The following RAB23 variants were observed in gnomAD, a reference collection of about 807,000 sequenced individuals.
RAB23 encodes RAB23, member RAS oncogene family, also known as ras-related protein Rab-23.
A neutral mutation model predicts 30.0 loss-of-function variants in RAB23; 15 were observed. The ratio of observed to expected loss-of-function variants is 0.50; its 90% CI spans 0.33 to 0.77. The LOEUF (loss-of-function observed/expected upper bound fraction) is 0.77. RAB23 is among the 30% of genes least tolerant of loss of function. The probability of loss-of-function intolerance (pLI) is 0.02; values close to 1 mark genes in which losing one functional copy is unlikely to be tolerated. For synonymous variants in RAB23, 93 were observed against 94.0 expected (o/e 0.99, Z 0.06); for missense variants, 243 against 275.4 (o/e 0.88, Z 0.83).
At chr6:57,218,833 G>A (rs1224315961) in intron 1 of RAB23, among the ~76,000 whole-genome samples, 1 of 148,880 alleles carries the variant, frequency 6.7e-6, no homozygotes, top group Non-Finnish European at 1.5e-5. Context: ...CAGCCTGGGT[G>A]ACAGAGTGAG....
intron 4 of RAB23, 115 bp from the exon 5 acceptor site, chr6:57,194,967 T>C: frequency 1.3e-6 from 1 of 748,258 alleles, no homozygotes; most frequent in Non-Finnish European, 2.3e-6. Context: ...GGAGGGAAGG[T>C]GGATCAGATC....
intron 1 of RAB23, among the ~76,000 whole-genome samples, chr6:57,211,496 A>G (rs1765651569): frequency 6.6e-6 from 1 of 152,082 alleles, no homozygotes; most frequent in South Asian, 2.1e-4. Context: ...AAAATTGTAA[A>G]TCCTCCATAG....
At chr6:57,216,514 C>T (rs146939453) in intron 1 of RAB23, among the ~76,000 whole-genome samples, 112 of 152,296 alleles carry the variant, frequency 7.4e-4, no homozygotes, top group Middle Eastern at 3.4e-3. Flanking sequence ...ATCAACATGT[C>T]ACAGGGCAAA....
chr6:57,199,055 A>G (rs752943910), intron 3 of RAB23, among the ~76,000 whole-genome samples: 2 of 152,254 alleles, frequency 1.3e-5, no homozygotes, highest in Non-Finnish European at 2.9e-5. Context: ...GAAGATGTTT[A>G]CATAATCAGG....
chr6:57,217,423 C>T (rs1234627839), intron 1 of RAB23, among the ~76,000 whole-genome samples: 1 of 152,086 alleles, frequency 6.6e-6, no homozygotes, highest in East Asian at 1.9e-4. Flanking sequence ...ACAATCCTGC[C>T]TCAGCCTCCC....
intron 1 of RAB23, among the ~76,000 whole-genome samples, chr6:57,213,319 C>G (rs1765721013): frequency 6.6e-6 from 1 of 152,058 alleles, no homozygotes; most frequent in African/African-American, 2.4e-5. Context: ...GTTGGGGACC[C>G]CTGGTCTAGG....
At chr6:57,217,112 A>C (rs2128007673) in intron 1 of RAB23, among the ~76,000 whole-genome samples, 1 of 152,212 alleles carries the variant, frequency 6.6e-6, no homozygotes, top group Non-Finnish European at 1.5e-5. Context: ...TCAAACTAGA[A>C]ATCAATAACA....
intron 1 of RAB23, among the ~76,000 whole-genome samples, chr6:57,219,146 G>T (rs1433257649): frequency 8.5e-5 from 13 of 152,090 alleles, no homozygotes; most frequent in Admixed American, 8.5e-4. Flanking sequence ...AAAGTCAGAG[G>T]ACATATGTAC....
chr6:57,188,372 TA>T lies in RAB23; in HGVS notation c.*2088del, dbSNP rs1466057819. 3 of 152,120 alleles carry T rather than the reference TA, an allele frequency of 2.0e-5. No individual in the cohort carries two copies. Among genetic ancestry groups the T allele is most frequent in the Non-Finnish European group, 4.4e-5 (3 of 67,976 alleles). 9.4% of individuals were successfully genotyped at this position (152,120 alleles called of 1,614,324 possible). Reference sequence around the variant, plus strand: ...TCTTCAGTTCTTATTTAAAAAAAGATAAAACTAGGTACATAAAATTATATTA... The same window carrying T: ...TCTTCAGTTCTTATTTAAAAAAAGATAAACTAGGTACATAAAATTATATTA... On this transcript the variant is annotated 3_prime_UTR_variant, in exon 7 of 7. Transcript: ENST00000468148.
chr6:57,219,670 C>T (rs1444657294), intron 1 of RAB23, among the ~76,000 whole-genome samples: 2 of 152,150 alleles, frequency 1.3e-5, no homozygotes, highest in African/African-American at 2.4e-5. Context: ...CAAATAAAGA[C>T]AATTGATTTT....
chr6:57,196,706 T>G, intron 3 of RAB23, 100 bp from the exon 4 acceptor site: 1 of 1,472,710 alleles, frequency 6.8e-7, no homozygotes, highest in Non-Finnish European at 9.2e-7. Flanking sequence ...GGGGCAACTT[T>G]TATCCATTCA....
intron 2 of RAB23, 117 bp downstream of exon 2, chr6:57,210,109 C>T: frequency 9.4e-7 from 1 of 1,058,934 alleles, no homozygotes; most frequent in Non-Finnish European, 1.4e-6. Context: ...GTCGCATGAG[C>T]ATTGCCACTA....
At chr6:57,196,891 C>T (rs1765043904) in intron 3 of RAB23, among the ~76,000 whole-genome samples, 1 of 152,100 alleles carries the variant, frequency 6.6e-6, no homozygotes, top group South Asian at 2.1e-4. Context: ...ATGTGTTCAA[C>T]TGTCAAAGTA....
At chr6:57,196,699 G>T in intron 3 of RAB23, 93 bp from the exon 4 acceptor site, 1 of 1,504,574 alleles carries the variant, frequency 6.6e-7, no homozygotes, top group Non-Finnish European at 9.0e-7. Flanking sequence ...AAGAATGGGG[G>T]CAACTTTTAT....
At chr6:57,210,175 G>C (rs762102186) in intron 2 of RAB23, 51 bp downstream of exon 2, 98 of 1,571,934 alleles carry the variant, frequency 6.2e-5, no homozygotes, top group Non-Finnish European at 8.0e-5. Flanking sequence ...AATGAGTCTT[G>C]GATATAGTTC....
chr6:57,221,185 T>C (rs577033959), intron 1 of RAB23: 1 of 152,334 alleles, frequency 6.6e-6, no homozygotes, highest in African/African-American at 2.4e-5. Context: ...GTTATATTTG[T>C]AAAAATACTG....
chr6:57,191,782 C>T (rs1169162025), intron 6 of RAB23, among the ~76,000 whole-genome samples: 1 of 152,122 alleles, frequency 6.6e-6, no homozygotes, highest in African/African-American at 2.4e-5. Context: ...ACTAACTTCA[C>T]ATCATATCAC....
At chr6:57,190,821 C>T (rs574832739) in intron 6 of RAB23, among the ~76,000 whole-genome samples, 1 of 152,274 alleles carries the variant, frequency 6.6e-6, no homozygotes, top group Non-Finnish European at 1.5e-5. Flanking sequence ...CCGTCCATCT[C>T]CATAACTCTT....
intron 3 of RAB23, among the ~76,000 whole-genome samples, chr6:57,200,191 A>ATT (rs750447866): frequency 5.7e-4 from 81 of 143,128 alleles, no homozygotes; most frequent in Middle Eastern, 3.6e-3. Context: ...CACTTCAAGA[A>ATT]TTTTTTTTTT....
Sources: gnomAD v4.1 joint callset for allele counts (sites outside exome capture counted in the v4.1 genomes callset) on GRCh38, gnomAD v4.1.1 for gene constraint, MANE v1.5 for transcripts, NCBI Gene and HGNC (gene_info 2026-07-23, HGNC 2026-07-21) for gene names.